COX7A2L: variants seen among roughly 807,000 people sequenced by gnomAD.
COX7A2L encodes cytochrome c oxidase subunit 7A2 like, also known as cytochrome c oxidase subunit 7A2-like, mitochondrial.
In COX7A2L, 18 loss-of-function variants were observed where a neutral mutation model predicts 14.2. The observed-to-expected ratio is 1.27, with a 90% CI of 0.88 to 1.88. The LOEUF (loss-of-function observed/expected upper bound fraction) is 1.88. COX7A2L is among the 40% of genes most tolerant of loss of function. The pLI is 0.00. For synonymous variants in COX7A2L, 65 were observed against 57.4 expected, an observed-to-expected ratio of 1.13 and a Z score of -0.60; for missense variants, 179 against 138.8, an observed-to-expected ratio of 1.29 and a Z score of -1.46.
chr2:42,363,021 C>T (rs1039688458), upstream of COX7A2L, among the ~76,000 whole-genome samples: 13 of 151,748 alleles, frequency 8.6e-5, no homozygotes, highest in African/African-American at 2.9e-4. Context: ...ACCACAGATG[C>T]GCGCCACCAC....
chr2:42,361,012 C>G, intron 1 of COX7A2L, 78 bp downstream of exon 1: 1 of 1,515,278 alleles, frequency 6.6e-7, no homozygotes, highest in South Asian at 1.2e-5. Context: ...CCTCCCCTGG[C>G]TCCAACGCCG....
In COX7A2L at chr2:42,337,377, C is replaced by G. The variant is rs190562969; in HGVS notation, c.193-3508G>C. On this transcript the variant is annotated intron_variant, in intron 2 of 2. Transcript: ENST00000468711. ...GCAGCCCATCTCAAAACTCTACAAA[C>G]TGCATCCCATTGATACACCATTCTT... 2.5e-4 allele frequency among the ~76,000 whole-genome samples: 38 copies of G among 152,326 alleles called. No individual in the cohort carries two copies. In the East Asian group the frequency reaches 4.8e-3, roughly 19 times the overall value.
Position 42,351,237 on chromosome 2 carries a change from C to T in COX7A2L, c.327G>A (p.Ser109=), listed in dbSNP as rs79591809. 988 of 1,613,590 alleles carry T rather than the reference C, an allele frequency of 6.1e-4. 13 individuals are homozygous for T. The East Asian group carries it at 0.018, about 29-fold the overall frequency. The change falls in exon 3 of 3, where the codon TCG becomes TCA. Residue 109 remains serine (S), a synonymous_variant. Transcript: ENST00000234301. The part of the protein sequence containing the change: ...IYCLIALYMA[S]QPKNK Reference sequence around the variant, plus strand: ...GCCTAACTCATTTGTTTTTGGGCTGCGAAGCCATGTAGAGGGCGATCAGGC... The same window carrying T: ...GCCTAACTCATTTGTTTTTGGGCTGTGAAGCCATGTAGAGGGCGATCAGGC...
In COX7A2L at chr2:42,361,174, C is replaced by T. The variant is rs1002684997; in HGVS notation, c.-13G>A. 8.7e-6 allele frequency: 14 copies of T among 1,600,936 alleles called. No homozygotes were observed. The highest frequency in any genetic ancestry group is 1.1e-5 in the Non-Finnish European group (13 of 1,172,070). On this transcript the variant is annotated 5_prime_UTR_variant, in exon 1 of 3. Transcript: ENST00000234301. ...ACTTGTAGTACATGACGCCCAGAGT[C>T]CGGCTTCCCGCATCCGCTGCCAACG...
chr2:42,355,717 CTTTTTT>C (rs386390054), intron 1 of COX7A2L, among the ~76,000 whole-genome samples: 12 of 69,052 alleles, frequency 1.7e-4, no homozygotes, highest in Admixed American at 4.8e-4. Context: ...ATCCTACGTT[CTTTTTT>C]TTTTTTTTTT....
At chr2:42,347,144 C>T (rs1023741786), downstream of COX7A2L, among the ~76,000 whole-genome samples, 1 of 152,126 alleles carries the variant, frequency 6.6e-6, no homozygotes, top group Non-Finnish European at 1.5e-5. Flanking sequence ...GGATTATAGG[C>T]GTGAGCCATG....
chr2:42,337,715 TG>T (rs1039071941), intron 2 of COX7A2L, among the ~76,000 whole-genome samples: 1 of 152,212 alleles, frequency 6.6e-6, no homozygotes, highest in African/African-American at 2.4e-5. Flanking sequence ...CTCTTATTTT[TG>T]CAACTTCCTC....
chr2:42,356,315 C>A (rs1173642382), intron 1 of COX7A2L, among the ~76,000 whole-genome samples: 4 of 152,176 alleles, frequency 2.6e-5, no homozygotes, highest in Admixed American at 1.3e-4. Flanking sequence ...TTATTTTTCT[C>A]CACAGCACTT....
downstream of COX7A2L, among the ~76,000 whole-genome samples, chr2:42,344,590 C>T (rs933119332): frequency 3.3e-5 from 5 of 152,204 alleles, no homozygotes; most frequent in Admixed American, 6.5e-5. Context: ...CGGTGGCTCA[C>T]GCCTGTAGTC....
At chr2:42,358,249 A>G (rs911700102) in intron 1 of COX7A2L, among the ~76,000 whole-genome samples, 1 of 152,198 alleles carries the variant, frequency 6.6e-6, no homozygotes, top group Non-Finnish European at 1.5e-5. Flanking sequence ...AATGTTAAAC[A>G]TCTTCATGTG....
chr2:42,364,750 G>C (rs1221262887), upstream of COX7A2L, among the ~76,000 whole-genome samples: 2 of 152,166 alleles, frequency 1.3e-5, no homozygotes, highest in Non-Finnish European at 2.9e-5. Flanking sequence ...TGTTTTCATA[G>C]CTAAAGAGCT....
chr2:42,354,858 T>C (rs1024451777), intron 1 of COX7A2L, among the ~76,000 whole-genome samples: 4 of 152,182 alleles, frequency 2.6e-5, no homozygotes, highest in African/African-American at 9.7e-5. Context: ...GCAGCTAATA[T>C]CTATTTAACC....
chr2:42,360,453 C>G (rs145625664), intron 1 of COX7A2L, among the ~76,000 whole-genome samples: 3 of 152,202 alleles, frequency 2.0e-5, no homozygotes, highest in Non-Finnish European at 4.4e-5. Context: ...GAGAGTCAAA[C>G]TCCAATTGGT....
intron 2 of COX7A2L, among the ~76,000 whole-genome samples, chr2:42,335,644 A>G (rs997090104): frequency 6.6e-6 from 1 of 152,242 alleles, no homozygotes; most frequent in Admixed American, 6.5e-5. Flanking sequence ...AACTTGAGGT[A>G]CACAGAAGCC....
chr2:42,356,469 G>A (rs377724704), intron 1 of COX7A2L, among the ~76,000 whole-genome samples: 58 of 152,268 alleles, frequency 3.8e-4, no homozygotes, highest in African/African-American at 1.0e-3. Context: ...CAGAGTAAGC[G>A]CATTCAGTAA....
intron 2 of COX7A2L, 29 bp from the exon 3 acceptor site, chr2:42,351,388 G>A: frequency 2.5e-6 from 4 of 1,603,038 alleles, no homozygotes; most frequent in Non-Finnish European, 1.7e-6. Context: ...CAAGGGCATG[G>A]TTGAGAAGAA....
At chr2:42,340,274 T>A (rs1237410594) in intron 2 of COX7A2L, among the ~76,000 whole-genome samples, 1 of 152,150 alleles carries the variant, frequency 6.6e-6, no homozygotes, top group Non-Finnish European at 1.5e-5. Flanking sequence ...GTTGTCACAC[T>A]GAGTTCACTC....
chr2:42,361,214 A>C lies in COX7A2L; in HGVS notation c.-53T>G. ...CGCTGCCAACGCGACCGCCCCAGAG[A>C]AGGACCCCGCCTCCCCGGCTGTGGT... On this transcript the variant is annotated 5_prime_UTR_variant, in exon 1 of 3. Transcript: ENST00000234301. 1 of 1,521,572 alleles carries C rather than the reference A, an allele frequency of 6.6e-7. No individual in the cohort carries two copies. Among genetic ancestry groups the C allele is most frequent in the Non-Finnish European group, 8.9e-7 (1 of 1,118,250 alleles). 94.3% of individuals were successfully genotyped at this position (1,521,572 alleles called of 1,614,324 possible). A position where few individuals can be genotyped will look rare whatever the true frequency, so the allele number is the denominator to read the frequency against.
Position 42,338,627 on chromosome 2 carries a change from G to T in COX7A2L, c.193-4758C>A, listed in dbSNP as rs1670336414. ...GGACTCAGCCCCCACCAAGACCGTAGAGCCTTAGTGTGATTCAACTCCATC... is the reference window on the plus strand; with the variant it reads ...GGACTCAGCCCCCACCAAGACCGTATAGCCTTAGTGTGATTCAACTCCATC... On this transcript the variant is annotated intron_variant, in intron 2 of 2. Transcript: ENST00000468711. This position sits in a 1 kb window ranked among gnomAD's most constrained non-coding sequence, Gnocchi z 4.4. 6.6e-6 allele frequency among the ~76,000 whole-genome samples: 1 copy of T among 152,136 alleles called. No individual in the cohort carries two copies. Among genetic ancestry groups the T allele is most frequent in the African/African-American group, 2.4e-5 (1 of 41,410 alleles).
Sources: allele counts gnomAD v4.1 joint callset (sites outside exome capture counted in the v4.1 genomes callset), GRCh38; gene constraint gnomAD v4.1.1; non-coding constraint Gnocchi (gnomAD v3.1); transcripts MANE v1.5; gene names NCBI Gene and HGNC (gene_info 2026-07-23, HGNC 2026-07-21).